Variants in PTPN11 observed in about 807,000 individuals in gnomAD.
PTPN11 encodes the protein protein tyrosine phosphatase non-receptor type 11.
A neutral mutation model predicts 78.8 loss-of-function variants in PTPN11; 6 were observed. The observed-to-expected ratio is 0.08, with a 90% CI of 0.04 to 0.15. The LOEUF (loss-of-function observed/expected upper bound fraction) is 0.15. Among genes scored for constraint, PTPN11 ranks in the 10% least tolerant of loss-of-function variants. The pLI is 1.00. For synonymous variants in PTPN11, 221 were observed against 263.5 expected (o/e 0.84, Z 1.56); for missense variants, 386 against 744.8 (o/e 0.52, Z 5.61).
At chr12:112,430,454 A>T (rs2037695138) in intron 1 of PTPN11, among the ~76,000 whole-genome samples, 1 of 152,016 alleles carries the variant, frequency 6.6e-6, no homozygotes, top group Admixed American at 6.6e-5. Flanking sequence ...CTTGAGACAG[A>T]GTCTTGGTCT....
chr12:112,504,658 A>G lies in PTPN11; in HGVS notation c.1713-37A>G, dbSNP rs751254521. The G allele has an allele frequency of 2.2e-5, 32 of 1,479,542 alleles. No homozygotes were observed. Among genetic ancestry groups the G allele is most frequent in the Non-Finnish European group, 3.0e-5 (32 of 1,063,480 alleles). The allele number at this position is 1,479,542 out of a possible 1,614,324, so 91.7% of individuals were successfully genotyped here. A position where few individuals can be genotyped will look rare whatever the true frequency, so the allele number is the denominator to read the frequency against. On this transcript the variant is annotated intron_variant, in intron 14 of 15. Coordinates refer to ENST00000351677, the MANE Select transcript of PTPN11 (RefSeq NM_002834.5). This position sits in a 1 kb window ranked among gnomAD's most constrained non-coding sequence, Gnocchi z 4.7. ...TGTAAGCTTAAACAGCGTGGTCTAC[A>G]TTTTTGTAAATGTCTTTCTTTTTCT...
At chr12:112,486,321 G>C (rs996193870) in intron 10 of PTPN11, 154 bp from the exon 11 acceptor site, 1 of 781,522 alleles carries the variant, frequency 1.3e-6, no homozygotes, top group Admixed American at 2.1e-5. Context: ...CCCAAAAGGA[G>C]ACGAGTTCTG....
chr12:112,458,629 G>C (rs527802103), intron 6 of PTPN11, among the ~76,000 whole-genome samples: 1 of 152,176 alleles, frequency 6.6e-6, no homozygotes, highest in Non-Finnish European at 1.5e-5. Context: ...CTCATCCCAG[G>C]CTTCGCGTTA....
chr12:112,486,713 G>T, intron 11 of PTPN11, 84 bp downstream of exon 11: 2 of 1,567,750 alleles, frequency 1.3e-6, no homozygotes, highest in Non-Finnish European at 1.7e-6. Context: ...CCCACTCCTA[G>T]CTCTTTAACT....
chr12:112,451,910 C>G (rs1352950146), intron 3 of PTPN11, among the ~76,000 whole-genome samples: 3 of 152,202 alleles, frequency 2.0e-5, no homozygotes, highest in Non-Finnish European at 4.4e-5. Context: ...GAGTCTCACT[C>G]TGTCACCCAG....
At chr12:112,493,215 C>T (rs922592380) in intron 13 of PTPN11, among the ~76,000 whole-genome samples, 4 of 151,956 alleles carry the variant, frequency 2.6e-5, no homozygotes, top group African/African-American at 9.7e-5. Context: ...CCCACCATCA[C>T]ACCCGGCTAA....
At chr12:112,474,803 AT>A (rs967107096) in intron 7 of PTPN11, among the ~76,000 whole-genome samples, 85 of 151,634 alleles carry the variant, frequency 5.6e-4, no homozygotes, top group African/African-American at 2.0e-3. Flanking sequence ...TTTTGTAATT[AT>A]TTTTTTTGTA....
At chr12:112,468,901 A>G (rs1273478751) in intron 6 of PTPN11, among the ~76,000 whole-genome samples, 1 of 152,168 alleles carries the variant, frequency 6.6e-6, no homozygotes, top group East Asian at 1.9e-4. Flanking sequence ...CTGTCTTTAC[A>G]AAAAGGAAAA....
intron 11 of PTPN11, 74 bp downstream of exon 11, chr12:112,486,703 C>T (rs1029013782): frequency 2.1e-5 from 34 of 1,583,820 alleles, no homozygotes; most frequent in Non-Finnish European, 2.7e-5. Context: ...CTTTTACCTA[C>T]CCACTCCTAG....
chr12:112,454,726 CA>C, intron 5 of PTPN11, 46 bp downstream of exon 5: 3 of 1,424,064 alleles, frequency 2.1e-6, no homozygotes, highest in Non-Finnish European at 3.0e-6. Context: ...AAACTTAAAA[CA>C]AATCCTAATA....
intron 6 of PTPN11, 95 bp from the exon 7 acceptor site, chr12:112,472,849 G>C: frequency 9.9e-7 from 1 of 1,006,256 alleles, no homozygotes; most frequent in Admixed American, 1.7e-5. Flanking sequence ...ACATTTCCTA[G>C]GATGAATTCC....
intron 10 of PTPN11, among the ~76,000 whole-genome samples, chr12:112,483,049 G>A (rs1193546233): frequency 6.6e-6 from 1 of 152,124 alleles, no homozygotes; most frequent in African/African-American, 2.4e-5. Context: ...TGGAATCCCT[G>A]CACTCCCAAG....
At position 112,463,428 on chromosome 12, in the gene PTPN11, C is replaced by T. The variant is rs538121525; in HGVS notation, c.756+7365C>T. Among the ~76,000 whole-genome samples, 12 of 152,292 alleles carry T rather than the reference C, an allele frequency of 7.9e-5. No individual in the cohort carries two copies. The South Asian group carries it at 2.5e-3, about 32-fold the overall frequency. On this transcript the variant is annotated intron_variant, in intron 6 of 15. Coordinates refer to ENST00000351677, the MANE Select transcript of PTPN11 (RefSeq NM_002834.5). ...TCTGGTACCATGGTAGCTTCTTTAA[C>T]ACTAGGTTCACTTAGAACAAAGCTT...
At chr12:112,477,779 T>C in intron 8 of PTPN11, 49 bp downstream of exon 8, 1 of 1,605,634 alleles carries the variant, frequency 6.2e-7, no homozygotes, top group Non-Finnish European at 8.5e-7. Context: ...TTCTAGCCTA[T>C]TTTTGTATTT....
At chr12:112,445,053 G>GTA (rs1172025432) in intron 1 of PTPN11, among the ~76,000 whole-genome samples, 5 of 152,060 alleles carry the variant, frequency 3.3e-5, no homozygotes, top group African/African-American at 1.2e-4. Flanking sequence ...GTGTGTGTGT[G>GTA]TGTATATATA....
In PTPN11 at chr12:112,509,076, T is replaced by C. The variant is rs542362692; in HGVS notation, c.*3284T>C. ...ACTATAGACATAACTACAAAGCCAGTGCAGCTTTTGTTTTCTGTATGTTGT... is the reference window on the plus strand; with the variant it reads ...ACTATAGACATAACTACAAAGCCAGCGCAGCTTTTGTTTTCTGTATGTTGT... On this transcript the variant is annotated 3_prime_UTR_variant, in exon 16 of 16. Coordinates refer to ENST00000351677, the MANE Select transcript of PTPN11 (RefSeq NM_002834.5). 2 of 152,264 alleles carry C rather than the reference T, an allele frequency of 1.3e-5. No individual in the cohort carries two copies. Among genetic ancestry groups the C allele is most frequent in the Non-Finnish European group, 2.9e-5 (2 of 68,048 alleles). The allele number at this position is 152,264 out of a possible 1,614,324, so 9.4% of individuals were successfully genotyped here. A position where few individuals can be genotyped will look rare whatever the true frequency, so the allele number is the denominator to read the frequency against.
rs75524035 is a variant in PTPN11 at position 112,495,023 on chromosome 12, T to G, written c.1599+5848T>G. 0.013 allele frequency among the ~76,000 whole-genome samples: 2,022 copies of G among 152,292 alleles called. 151 individuals carry two copies. In the South Asian group the frequency reaches 0.21, roughly 16 times the overall value. On this transcript the variant is annotated intron_variant, in intron 13 of 15. Coordinates refer to ENST00000351677, the MANE Select transcript of PTPN11 (RefSeq NM_002834.5). ...TTAAATGCATTTTCGACTAGTGATA[T>G]TTTCAACTTATGATGAGTTTATTGG... is the stretch of plus-strand genomic sequence containing the variant.
intron 6 of PTPN11, among the ~76,000 whole-genome samples, chr12:112,459,347 G>A (rs1290861330): frequency 1.3e-5 from 2 of 151,858 alleles, no homozygotes; most frequent in Non-Finnish European, 2.9e-5. Flanking sequence ...CTGACACCCA[G>A]CATTAACAAC....
chr12:112,491,074 G>C (rs1361599586), intron 13 of PTPN11, among the ~76,000 whole-genome samples: 2 of 152,146 alleles, frequency 1.3e-5, no homozygotes, highest in Non-Finnish European at 2.9e-5. Context: ...TGAAAAAAAG[G>C]AATGATGGGT....
Sources: allele counts gnomAD v4.1 joint callset (sites outside exome capture counted in the v4.1 genomes callset), GRCh38; gene constraint gnomAD v4.1.1; non-coding constraint Gnocchi (gnomAD v3.1); transcripts MANE v1.5; gene names NCBI Gene and HGNC (gene_info 2026-07-23, HGNC 2026-07-21).